PTPRG: variants seen among roughly 807,000 people sequenced by gnomAD.
The protein encoded by PTPRG is protein tyrosine phosphatase receptor type G.
A neutral mutation model predicts 165.3 loss-of-function variants in PTPRG; 102 were observed. The observed-to-expected ratio is 0.62, with a 90% CI of 0.53 to 0.73. The LOEUF is 0.73. PTPRG is among the 30% of genes least tolerant of loss of function. The pLI, the probability that PTPRG is intolerant of heterozygous loss-of-function variation, is 0.00. For missense variants in PTPRG, 1,866 were observed against 1,861.4 expected, an observed-to-expected ratio of 1.00 and a Z score of -0.05; for synonymous variants, 675 against 669.5, an observed-to-expected ratio of 1.01 and a Z score of -0.13.
rs1553672363 is a variant in PTPRG, at chr3:62,295,955, CAG to C, written c.*2649_*2650del. Reference sequence around the variant, plus strand: ...TAACAAGGTTATTAACACTTGCACTCAGGGGAAAGGAAATAGCTATTGCAAAT... The same window carrying C: ...TAACAAGGTTATTAACACTTGCACTCGGGAAAGGAAATAGCTATTGCAAAT... On this transcript the variant is annotated 3_prime_UTR_variant, in exon 30 of 30. Transcript: ENST00000474889. 2 of 152,014 alleles carry C rather than the reference CAG, an allele frequency of 1.3e-5. No homozygotes were observed. The highest frequency in any genetic ancestry group is 4.8e-5 in the African/African-American group (2 of 41,400). 9.4% of individuals were successfully genotyped at this position (152,014 alleles called of 1,614,324 possible).
chr3:61,605,919 C>T (rs1239674930), intron 1 of PTPRG, among the ~76,000 whole-genome samples: 1 of 152,242 alleles, frequency 6.6e-6, no homozygotes, highest in Non-Finnish European at 1.5e-5. Flanking sequence ...AACTAGAAGG[C>T]TTTGGCATCT....
rs35317755 is a variant in PTPRG at position 62,215,546 on chromosome 3, A to ACCCCCCCCC, written c.2156-3301_2156-3293dup. ...AGATAGGCTCCAACCCCCTACGGGA[A>ACCCCCCCCC]CCCCCCCCCCCCGCCAATTATTACA... On this transcript the variant is annotated intron_variant, in intron 12 of 29. Transcript: ENST00000474889. Among the ~76,000 whole-genome samples the ACCCCCCCCC allele has an allele frequency of 1.6e-4, 10 of 63,758 alleles. 1 individual carries two copies. Among genetic ancestry groups the ACCCCCCCCC allele is most frequent in the African/African-American group, 3.9e-4 (6 of 15,520 alleles). The allele number at this position is 63,758 out of a possible 152,430, so 41.8% of individuals were successfully genotyped here.
At chr3:61,586,594 A>C (rs2886515) in intron 1 of PTPRG, among the ~76,000 whole-genome samples, 15,777 of 152,276 alleles carry the variant, frequency 0.1, 924 homozygotes, top group East Asian at 0.23. Context: ...GCTACTTTTG[A>C]GAGCCTGACT....
At chr3:61,883,124 G>A (rs1246443887) in intron 2 of PTPRG, among the ~76,000 whole-genome samples, 2 of 152,204 alleles carry the variant, frequency 1.3e-5, no homozygotes, top group Non-Finnish European at 2.9e-5. Context: ...GGCCTCCAGG[G>A]TGTCTGTCCT....
At chr3:62,054,421 C>A (rs1328462574) in intron 4 of PTPRG, among the ~76,000 whole-genome samples, 1 of 152,120 alleles carries the variant, frequency 6.6e-6, no homozygotes, top group Non-Finnish European at 1.5e-5. Context: ...TCTATAGATC[C>A]ATTTGTAAGG....
rs1481752375 is a variant in PTPRG, at chr3:61,647,813, A to G, written c.85+85441A>G. ...TCTCAAAAAAAAAAAAAAAAAAAAGAGTTAGCAATTCAAACTCTGACCTTG... is the reference window on the plus strand; with the variant it reads ...TCTCAAAAAAAAAAAAAAAAAAAAGGGTTAGCAATTCAAACTCTGACCTTG... On this transcript the variant is annotated intron_variant, in intron 1 of 29. Coordinates refer to ENST00000474889, the MANE Select transcript of PTPRG (RefSeq NM_002841.4). Among the ~76,000 whole-genome samples the G allele has an allele frequency of 2.1e-4, 31 of 147,578 alleles. 1 individual carries two copies. Among genetic ancestry groups the G allele is most frequent in the Admixed American group, 1.7e-3 (26 of 14,870 alleles).
At position 62,190,770 on chromosome 3, in the gene PTPRG, C is replaced by G. The variant is rs953480227; in HGVS notation, c.1034-699C>G. Among the ~76,000 whole-genome samples the G allele has an allele frequency of 6.6e-6, 1 of 152,184 alleles. No individual in the cohort carries two copies. Among genetic ancestry groups the G allele is most frequent in the African/African-American group, 2.4e-5 (1 of 41,432 alleles). Reference sequence around the variant, plus strand: ...TAGCACACTCCACCAGTCCAACGGCCTGGCTTCTTCAAAACGTCCATCATG... The same window carrying G: ...TAGCACACTCCACCAGTCCAACGGCGTGGCTTCTTCAAAACGTCCATCATG... On this transcript the variant is annotated intron_variant, in intron 8 of 29. Coordinates refer to ENST00000474889, the MANE Select transcript of PTPRG (RefSeq NM_002841.4). The surrounding 1 kb of genome is among the most constrained non-coding windows in gnomAD (Gnocchi z 5.2).
intron 2 of PTPRG, among the ~76,000 whole-genome samples, chr3:61,857,956 C>A (rs886690994): frequency 6.6e-6 from 1 of 152,180 alleles, no homozygotes; most frequent in Non-Finnish European, 1.5e-5. Context: ...ACTGACACCT[C>A]CCTCTTAACA....
chr3:61,570,087 A>G (rs533180081), intron 1 of PTPRG, among the ~76,000 whole-genome samples: 10 of 152,272 alleles, frequency 6.6e-5, no homozygotes, highest in South Asian at 2.1e-4. Flanking sequence ...CTGGGATTCA[A>G]TTTGGCTCCA....
At chr3:61,675,446 C>A (rs1183751001) in intron 1 of PTPRG, among the ~76,000 whole-genome samples, 1 of 115,260 alleles carries the variant, frequency 8.7e-6, no homozygotes. Flanking sequence ...ATATATGGTT[C>A]ATGATAGAAA....
intron 5 of PTPRG, among the ~76,000 whole-genome samples, chr3:62,125,115 T>A (rs931750784): frequency 1.3e-5 from 2 of 152,212 alleles, no homozygotes; most frequent in African/African-American, 2.4e-5. Flanking sequence ...GTCACCTTTT[T>A]ATATAACTAT....
chr3:61,628,335 G>A (rs960635622), intron 1 of PTPRG, among the ~76,000 whole-genome samples: 1 of 149,830 alleles, frequency 6.7e-6, no homozygotes, highest in African/African-American at 2.5e-5. Flanking sequence ...TATTTTTTTT[G>A]AGATGGAGTC....
At chr3:61,781,369 A>C (rs1347680267) in intron 2 of PTPRG, among the ~76,000 whole-genome samples, 1 of 152,228 alleles carries the variant, frequency 6.6e-6, no homozygotes. Context: ...GATATAAAAG[A>C]GAAAAAACAT....
intron 6 of PTPRG, among the ~76,000 whole-genome samples, chr3:62,142,042 G>T (rs905898570): frequency 6.6e-6 from 1 of 150,802 alleles, no homozygotes; most frequent in Non-Finnish European, 1.5e-5. Context: ...ATTTCACCAC[G>T]ATGGGAAAGA....
intron 2 of PTPRG, among the ~76,000 whole-genome samples, chr3:61,986,281 A>G (rs78899667): frequency 3.8e-3 from 586 of 152,300 alleles, no homozygotes; most frequent in Non-Finnish European, 6.9e-3. Flanking sequence ...ATTGGAATGA[A>G]GTTGTACAAG....
At chr3:62,166,630 C>G (rs573071250) in intron 7 of PTPRG, among the ~76,000 whole-genome samples, 1 of 152,100 alleles carries the variant, frequency 6.6e-6, no homozygotes, top group East Asian at 1.9e-4. Flanking sequence ...GCCACCGGGC[C>G]TGGCCAGAAT....
intron 1 of PTPRG, among the ~76,000 whole-genome samples, chr3:61,674,172 T>TATA (rs1553647863): frequency 3.8e-5 from 5 of 130,692 alleles, no homozygotes; most frequent in South Asian, 4.5e-4. Context: ...CCAGAACAAG[T>TATA]ATAATAATAA....
intron 1 of PTPRG, among the ~76,000 whole-genome samples, chr3:61,678,442 G>C (rs62244416): frequency 0.059 from 8,976 of 152,268 alleles, 337 homozygotes; most frequent in East Asian, 0.097. Context: ...ATTCGGAGGA[G>C]TCGGGTGGGG....
At chr3:61,604,772 G>T (rs1700956202) in intron 1 of PTPRG, among the ~76,000 whole-genome samples, 1 of 151,976 alleles carries the variant, frequency 6.6e-6, no homozygotes, top group South Asian at 2.1e-4. Context: ...TATTAGCTGT[G>T]CCACGGCCAC....
Sources: allele counts gnomAD v4.1 joint callset (sites outside exome capture counted in the v4.1 genomes callset), GRCh38; gene constraint gnomAD v4.1.1; non-coding constraint Gnocchi (gnomAD v3.1); transcripts MANE v1.5; gene names NCBI Gene and HGNC (gene_info 2026-07-23, HGNC 2026-07-21).